PARVA: variants seen among roughly 807,000 people sequenced by gnomAD.
PARVA encodes the protein alpha-parvin.
PARVA carries 25 observed loss-of-function variants against 52.6 expected under a neutral mutation model. That is an observed-to-expected ratio of 0.48 (90% CI 0.35 to 0.66). The LOEUF is 0.66. Ranked by LOEUF, PARVA falls within the 30% of genes least tolerant of loss-of-function variation. PARVA has a pLI of 0.01. For synonymous variants in PARVA, 185 were observed against 179.1 expected (o/e 1.03, Z -0.26); for missense variants, 373 against 450.9 (o/e 0.83, Z 1.56).
At chr11:12,376,701 A>G, upstream of PARVA, 1 of 983,320 alleles carries the variant, frequency 1.0e-6, no homozygotes, top group Non-Finnish European at 1.2e-6. Context: ...AGACAGACAG[A>G]AGGACAAAGA....
chr11:12,414,026 C>A (rs1564841459), intron 1 of PARVA, among the ~76,000 whole-genome samples: 1 of 152,216 alleles, frequency 6.6e-6, no homozygotes, highest in Admixed American at 6.5e-5. Context: ...TTTGGCTGGG[C>A]CCCTGGGATT....
Position 12,532,215 on chromosome 11 carries a change from A to T in PARVA, c.*4290A>T, listed in dbSNP as rs757183683. 1.3e-4 allele frequency among the ~76,000 whole-genome samples: 20 copies of T among 152,320 alleles called. No individual in the cohort carries two copies. The highest frequency in any genetic ancestry group is 4.1e-4 in the South Asian group (2 of 4,826). The stretch of plus-strand genomic sequence containing the variant: ...TCCCAGTAGGATCCTGCAAGAAAGC[A>T]TCTCTTAAAAATAAATTCTACAGGA... On this transcript the variant is annotated 3_prime_UTR_variant, in exon 13 of 13. Transcript: ENST00000334956.
intron 4 of PARVA, among the ~76,000 whole-genome samples, chr11:12,482,400 G>A (rs1487877802): frequency 6.6e-6 from 1 of 152,026 alleles, no homozygotes; most frequent in Non-Finnish European, 1.5e-5. Flanking sequence ...GCCGAGGCAG[G>A]TGGATCATGA....
At chr11:12,443,798 A>C (rs1940504694) in intron 1 of PARVA, among the ~76,000 whole-genome samples, 1 of 152,030 alleles carries the variant, frequency 6.6e-6, no homozygotes, top group Non-Finnish European at 1.5e-5. Context: ...ACCATTGCTG[A>C]TTCCTGCTCT....
chr11:12,483,825 T>C (rs1267890759), intron 4 of PARVA, among the ~76,000 whole-genome samples: 3 of 152,192 alleles, frequency 2.0e-5, no homozygotes, highest in African/African-American at 4.8e-5. Context: ...GGCCTGCCTC[T>C]TCATGACATA....
chr11:12,497,946 C>T (rs1941318935), intron 5 of PARVA, among the ~76,000 whole-genome samples: 1 of 151,944 alleles, frequency 6.6e-6, no homozygotes, highest in African/African-American at 2.4e-5. Context: ...CTCCCTGTAC[C>T]CCTCCAAAAA....
chr11:12,505,628 C>T (rs1276746236), intron 6 of PARVA, among the ~76,000 whole-genome samples: 1 of 152,102 alleles, frequency 6.6e-6, no homozygotes, highest in Non-Finnish European at 1.5e-5. Flanking sequence ...GGCTCAGATA[C>T]CGAGTGCCAC....
chr11:12,403,594 T>G (rs1939860371), intron 1 of PARVA, among the ~76,000 whole-genome samples: 1 of 152,240 alleles, frequency 6.6e-6, no homozygotes. Flanking sequence ...AGTAAGCCGG[T>G]TTCTTTATAT....
At chr11:12,421,276 A>G (rs1234623870) in intron 1 of PARVA, among the ~76,000 whole-genome samples, 2 of 152,030 alleles carry the variant, frequency 1.3e-5, no homozygotes, top group Non-Finnish European at 1.5e-5. Flanking sequence ...TACATTATAT[A>G]CTTAGGAAGT....
chr11:12,397,338 C>T (rs1229369441), intron 1 of PARVA, among the ~76,000 whole-genome samples: 1 of 152,210 alleles, frequency 6.6e-6, no homozygotes, highest in Non-Finnish European at 1.5e-5. Flanking sequence ...GCTGGGGCTA[C>T]AGGCATGAGC....
At chr11:12,429,114 G>A (rs1299009865) in intron 1 of PARVA, among the ~76,000 whole-genome samples, 1 of 152,102 alleles carries the variant, frequency 6.6e-6, no homozygotes, top group South Asian at 2.1e-4. Flanking sequence ...CCAAGTAGCT[G>A]GGACCACAGG....
chr11:12,512,222 TAAAG>T (rs1433037345), intron 8 of PARVA, among the ~76,000 whole-genome samples: 3 of 152,204 alleles, frequency 2.0e-5, no homozygotes, highest in African/African-American at 7.2e-5. Context: ...CTCGTGGAAA[TAAAG>T]GAAGACATGC....
At chr11:12,501,057 G>A (rs1326405567) in intron 5 of PARVA, among the ~76,000 whole-genome samples, 3 of 150,562 alleles carry the variant, frequency 2.0e-5, no homozygotes, top group Admixed American at 6.6e-5. Context: ...GCAGTGAGAC[G>A]AGATCTAGTC....
At chr11:12,453,407 G>A (rs1055131908) in intron 1 of PARVA, among the ~76,000 whole-genome samples, 1 of 152,132 alleles carries the variant, frequency 6.6e-6, no homozygotes, top group African/African-American at 2.4e-5. Flanking sequence ...GCCTTTGTGA[G>A]CTGTGAGCCT....
chr11:12,496,206 G>A (rs1057471508), intron 4 of PARVA, among the ~76,000 whole-genome samples: 1 of 152,182 alleles, frequency 6.6e-6, no homozygotes, highest in East Asian at 1.9e-4. Flanking sequence ...TGACAGGCTA[G>A]GTTAAATGCC....
intron 1 of PARVA, among the ~76,000 whole-genome samples, chr11:12,391,814 A>T (rs1565325081): frequency 6.6e-6 from 1 of 152,214 alleles, no homozygotes; most frequent in Non-Finnish European, 1.5e-5. Context: ...TCAAGTCCAG[A>T]GGAGAGGTGG....
chr11:12,396,662 A>G (rs1349921476), intron 1 of PARVA, among the ~76,000 whole-genome samples: 1 of 152,230 alleles, frequency 6.6e-6, no homozygotes, highest in Non-Finnish European at 1.5e-5. Flanking sequence ...GCATTGCCCA[A>G]GCTCTATGTC....
chr11:12,502,017 C>G (rs752196737), intron 5 of PARVA, among the ~76,000 whole-genome samples: 1 of 152,174 alleles, frequency 6.6e-6, no homozygotes, highest in Admixed American at 6.5e-5. Flanking sequence ...AAGAGCAAAC[C>G]TGGATTTGCC....
intron 1 of PARVA, among the ~76,000 whole-genome samples, chr11:12,417,857 GC>G (rs1252638295): frequency 1.7e-4 from 26 of 152,164 alleles, no homozygotes; most frequent in Non-Finnish European, 2.9e-5. Context: ...GGAGCCAACA[GC>G]CCCTTCTAGC....
Sources: gnomAD v4.1 joint callset for allele counts (sites outside exome capture counted in the v4.1 genomes callset) on GRCh38, gnomAD v4.1.1 for gene constraint, MANE v1.5 for transcripts, NCBI Gene and HGNC (gene_info 2026-07-23, HGNC 2026-07-21) for gene names.